Variants in CNST observed in about 807,000 individuals in gnomAD.
CNST encodes the protein consortin.
A neutral mutation model predicts 72.4 loss-of-function variants in CNST; 39 were observed. The observed-to-expected ratio is 0.54, with a 90% CI of 0.42 to 0.70. The LOEUF (loss-of-function observed/expected upper bound fraction) is 0.70, where lower values mean the gene tolerates loss of function less well. Among genes scored for constraint, CNST ranks in the 30% least tolerant of loss-of-function variants. The probability of loss-of-function intolerance (pLI) is 0.00; values close to 1 mark genes in which losing one functional copy is unlikely to be tolerated. For synonymous variants in CNST, 332 were observed against 320.1 expected, an observed-to-expected ratio of 1.04 and a Z score of -0.40; for missense variants, 871 against 868.5, an observed-to-expected ratio of 1.00 and a Z score of -0.04.
chr1:246,619,354 T>A (rs1181524784), intron 2 of CNST, among the ~76,000 whole-genome samples: 3 of 152,184 alleles, frequency 2.0e-5, no homozygotes, highest in Non-Finnish European at 4.4e-5. Flanking sequence ...CCAAAATGTA[T>A]AGCAACATAA....
chr1:246,620,698 C>T (rs377275507), intron 2 of CNST, among the ~76,000 whole-genome samples: 24 of 125,764 alleles, frequency 1.9e-4, no homozygotes, highest in South Asian at 8.3e-4. Flanking sequence ...ACAGGGAGGA[C>T]GGCTTCAGTC....
At chr1:246,633,425 G>T (rs1664905721) in intron 4 of CNST, among the ~76,000 whole-genome samples, 1 of 149,930 alleles carries the variant, frequency 6.7e-6, no homozygotes, top group Non-Finnish European at 1.5e-5. Context: ...CTCCAGCCTC[G>T]GTGACAGAGG....
intron 2 of CNST, among the ~76,000 whole-genome samples, chr1:246,617,504 C>T (rs936198102): frequency 6.6e-6 from 1 of 152,006 alleles, no homozygotes; most frequent in Non-Finnish European, 1.5e-5. Context: ...GACTTAGGGG[C>T]ACTCCTGCTT....
chr1:246,625,073 G>A (rs1381316585), intron 3 of CNST, among the ~76,000 whole-genome samples: 1 of 152,154 alleles, frequency 6.6e-6, no homozygotes, highest in African/African-American at 2.4e-5. Context: ...CCAAGAAGAA[G>A]GATACTCTCC....
At chr1:246,648,751 G>A (rs1170340757) in intron 9 of CNST, among the ~76,000 whole-genome samples, 1 of 152,138 alleles carries the variant, frequency 6.6e-6, no homozygotes, top group Non-Finnish European at 1.5e-5. Context: ...ACCTCTGTAA[G>A]CCTGTTTTCT....
chr1:246,664,239 C>G (rs972575750), intron 10 of CNST, among the ~76,000 whole-genome samples: 3 of 152,082 alleles, frequency 2.0e-5, no homozygotes, highest in Admixed American at 6.6e-5. Context: ...TTATTCCCAG[C>G]CTTTTGTTAT....
chr1:246,664,907 T>C (rs1667325739), intron 10 of CNST, among the ~76,000 whole-genome samples: 1 of 152,232 alleles, frequency 6.6e-6, no homozygotes, highest in African/African-American at 2.4e-5. Context: ...ATAATTAAGA[T>C]ATTTTTCAAC....
chr1:246,640,747 A>G (rs1426472678), intron 6 of CNST, among the ~76,000 whole-genome samples: 2 of 152,230 alleles, frequency 1.3e-5, no homozygotes, highest in Non-Finnish European at 2.9e-5. Context: ...ACTAACAAAT[A>G]TTTATTGAAC....
chr1:246,613,073 A>G (rs1232687611), intron 2 of CNST, among the ~76,000 whole-genome samples: 5 of 152,182 alleles, frequency 3.3e-5, no homozygotes, highest in East Asian at 3.8e-4. Context: ...GCATAATACA[A>G]TTAGCTCCAA....
chr1:246,634,864 G>A (rs1665053328), intron 6 of CNST, among the ~76,000 whole-genome samples: 1 of 152,060 alleles, frequency 6.6e-6, no homozygotes, highest in Admixed American at 6.5e-5. Flanking sequence ...ACGGGGCAGG[G>A]GTTTTACAGT....
At chr1:246,586,010 T>G (rs1203646401) in intron 1 of CNST, among the ~76,000 whole-genome samples, 2 of 150,652 alleles carry the variant, frequency 1.3e-5, no homozygotes, top group Non-Finnish European at 3.0e-5. Context: ...AGCCCAGGAG[T>G]TCAAGGCTGC....
Position 246,647,409 on chromosome 1 carries a change from C to T in CNST, c.1208C>T (p.Ala403Val), listed in dbSNP as rs751669450. ...GAGGATGACAGTCGCTTGCAGCTGG[C>T]TCAAACAGAGGCCTGCCAGGATGTG... is the stretch of plus-strand genomic sequence containing the variant. ...ACEDDSRLQL[A>V]QTEACQDVAR... Residue 403 changes from alanine (A) to valine (V), a missense_variant, in exon 9 of 11, where the codon GCT (alanine) becomes GTT (valine). By Grantham distance (64) the Ala-to-Val change is moderately conservative. Transcript: ENST00000366513. 1 of 1,614,130 alleles carries T rather than the reference C, an allele frequency of 6.2e-7. No homozygotes were observed. The highest frequency in any genetic ancestry group is 8.5e-7 in the Non-Finnish European group (1 of 1,180,028).
chr1:246,665,845 CTATTACACTAAGTTACTTCAGGGAGTGG>C lies in CNST; in HGVS notation c.2119_2146del (p.Tyr707GlnfsTer3), dbSNP rs776397072. ...CTGACTTTGCAGACAACATGGACTT[CTATTACACTAAGTTACTTCAGGGAGTGG>C]CAGAACTGAAGCACTGGATCTACCT... On this transcript the variant is annotated frameshift_variant, in exon 11 of 11. Transcript: ENST00000366513. LOFTEE classifies it high-confidence loss of function. 13 of 1,614,114 alleles carry C rather than the reference CTATTACACTAAGTTACTTCAGGGAGTGG, an allele frequency of 8.1e-6. No homozygotes were observed. Among genetic ancestry groups the C allele is most frequent in the Non-Finnish European group, 1.7e-6 (2 of 1,179,996 alleles).
At chr1:246,644,346 G>A (rs879823485) in intron 8 of CNST, among the ~76,000 whole-genome samples, 128 of 134,740 alleles carry the variant, frequency 9.5e-4, no homozygotes, top group Non-Finnish European at 1.5e-3. Flanking sequence ...CTGAGATGGC[G>A]CCACTGCGCT....
intron 10 of CNST, among the ~76,000 whole-genome samples, chr1:246,664,075 T>C (rs1275154321): frequency 1.3e-5 from 2 of 152,356 alleles, no homozygotes; most frequent in East Asian, 3.9e-4. Flanking sequence ...AAAAAATCAG[T>C]TTAATAAAGT....
At chr1:246,593,603 A>G (rs949388372) in intron 2 of CNST, among the ~76,000 whole-genome samples, 3 of 152,126 alleles carry the variant, frequency 2.0e-5, no homozygotes, top group Admixed American at 1.3e-4. Flanking sequence ...CTGCCTCCCA[A>G]AGTGCTGGGA....
In CNST at chr1:246,647,136, T is replaced by C. The variant is rs1350169563; in HGVS notation, c.938-3T>C. On this transcript the variant is annotated splice_polypyrimidine_tract_variant and splice_region_variant and intron_variant, in intron 8 of 10. Transcript: ENST00000366513. The stretch of plus-strand genomic sequence containing the variant: ...TTAACAATTTATTTTTCTTCATCTT[T>C]AGAGAGTAAAACTTGTCTCGGCACA... The C allele has an allele frequency of 5.0e-6, 8 of 1,602,890 alleles. No individual in the cohort carries two copies. In the African/African-American group the frequency reaches 1.1e-4, roughly 22 times the overall value.
At chr1:246,619,164 A>AC (rs1553378006) in intron 2 of CNST, among the ~76,000 whole-genome samples, 11 of 151,866 alleles carry the variant, frequency 7.2e-5, no homozygotes, top group African/African-American at 2.7e-4. Flanking sequence ...GAAAAAAAAA[A>AC]AACACTAATT....
At chr1:246,567,353 C>CT (rs562340280) in intron 1 of CNST, among the ~76,000 whole-genome samples, 53,167 of 147,952 alleles carry the variant, frequency 0.36, 9,903 homozygotes, top group East Asian at 0.66. Flanking sequence ...TTTTGGCAGT[C>CT]TTTTTTTTTT....
Sources: allele counts gnomAD v4.1 joint callset (sites outside exome capture counted in the v4.1 genomes callset), GRCh38; gene constraint gnomAD v4.1.1; transcripts MANE v1.5; gene names NCBI Gene and HGNC (gene_info 2026-07-23, HGNC 2026-07-21).